The following CAMTA1 variants were observed in gnomAD, a reference collection of about 807,000 sequenced individuals.
CAMTA1 encodes the protein calmodulin-binding transcription activator 1.
Under a neutral mutation model 170.9 loss-of-function variants are expected in CAMTA1, and 27 were observed. That is an observed-to-expected ratio of 0.16 (90% confidence interval 0.12 to 0.22). The LOEUF is 0.22. CAMTA1 is among the 10% of genes least tolerant of loss of function. CAMTA1 has a pLI of 1.00. For synonymous variants in CAMTA1, 833 were observed against 891.5 expected (o/e 0.93, Z 1.17); for missense variants, 1,619 against 2,217.2 (o/e 0.73, Z 5.42).
chr1:7,658,077 C>T (rs995328374), intron 7 of CAMTA1, among the ~76,000 whole-genome samples: 19 of 152,174 alleles, frequency 1.2e-4, no homozygotes, highest in Non-Finnish European at 2.1e-4. Context: ...GTGCCAAGAC[C>T]CAAGACCCTC....
intron 6 of CAMTA1, among the ~76,000 whole-genome samples, chr1:7,502,313 G>A (rs1392365091): frequency 2.6e-5 from 4 of 152,204 alleles, no homozygotes; most frequent in Non-Finnish European, 5.9e-5. Flanking sequence ...GCTCTAGGAA[G>A]GAACATTTGC....
At chr1:7,255,365 A>G (rs1375364255) in intron 5 of CAMTA1, among the ~76,000 whole-genome samples, 3 of 152,208 alleles carry the variant, frequency 2.0e-5, no homozygotes, top group African/African-American at 7.2e-5. Flanking sequence ...CTGTGGACAG[A>G]TTATTTTACT....
At chr1:7,629,879 G>A (rs2095657235) in intron 6 of CAMTA1, among the ~76,000 whole-genome samples, 1 of 142,928 alleles carries the variant, frequency 7.0e-6, no homozygotes, top group Admixed American at 7.0e-5. Context: ...CGGGGGGCCT[G>A]GCAGTGGCAG....
chr1:7,108,488 G>T (rs776866552), intron 4 of CAMTA1, among the ~76,000 whole-genome samples: 2 of 152,150 alleles, frequency 1.3e-5, no homozygotes, highest in Non-Finnish European at 2.9e-5. Context: ...TTGTGGTTGT[G>T]CAGAAGGACG....
At chr1:7,750,095 G>A (rs529591377) in intron 19 of CAMTA1, among the ~76,000 whole-genome samples, 2 of 152,286 alleles carry the variant, frequency 1.3e-5, no homozygotes, top group Admixed American at 1.3e-4. Flanking sequence ...ACTGTGGCCC[G>A]ATGGGTCTGA....
intron 3 of CAMTA1, among the ~76,000 whole-genome samples, chr1:7,077,800 G>T (rs1358209373): frequency 6.6e-6 from 1 of 152,076 alleles, no homozygotes; most frequent in Non-Finnish European, 1.5e-5. Flanking sequence ...GAGGCAAAAT[G>T]CCCACTTCTG....
intron 4 of CAMTA1, among the ~76,000 whole-genome samples, chr1:7,227,978 C>G (rs1302662279): frequency 6.6e-6 from 1 of 152,244 alleles, no homozygotes; most frequent in African/African-American, 2.4e-5. Flanking sequence ...TGTCGCCAGG[C>G]TTTGCACTCA....
intron 6 of CAMTA1, among the ~76,000 whole-genome samples, chr1:7,581,334 T>G (rs2095258859): frequency 6.6e-6 from 1 of 152,218 alleles, no homozygotes; most frequent in Non-Finnish European, 1.5e-5. Context: ...GTCCGTTCTC[T>G]CACATGGAGA....
chr1:7,583,360 C>T (rs1334848522), intron 6 of CAMTA1, among the ~76,000 whole-genome samples: 3 of 152,116 alleles, frequency 2.0e-5, no homozygotes, highest in Admixed American at 6.5e-5. Flanking sequence ...CTGAGGATGC[C>T]GGACACACTG....
chr1:7,054,303 G>A (rs1203233030), intron 3 of CAMTA1, among the ~76,000 whole-genome samples: 1 of 152,226 alleles, frequency 6.6e-6, no homozygotes, highest in Non-Finnish European at 1.5e-5. Flanking sequence ...AGGCCAGGCC[G>A]CCTCTGCATG....
chr1:7,589,989 C>T (rs1021502507), intron 6 of CAMTA1, among the ~76,000 whole-genome samples: 3 of 152,194 alleles, frequency 2.0e-5, no homozygotes, highest in African/African-American at 7.2e-5. Context: ...GATTTTAAAG[C>T]CCTTTGCACA....
In CAMTA1 at chr1:7,283,019, C is replaced by T. The variant is rs534663584; in HGVS notation, c.438+33393C>T. On this transcript the variant is annotated intron_variant, in intron 5 of 22. Coordinates refer to ENST00000303635, the MANE Select transcript of CAMTA1 (RefSeq NM_015215.4). ...TGATAATAGTGGGAATTTGGAACAACCTAACTCTTCAATGATAAGGAACAA... is the reference window on the plus strand; with the variant it reads ...TGATAATAGTGGGAATTTGGAACAATCTAACTCTTCAATGATAAGGAACAA... Among the ~76,000 whole-genome samples the T allele has an allele frequency of 2.4e-4, 37 of 152,200 alleles. No individual in the cohort carries two copies. The South Asian group carries it at 7.1e-3, about 29-fold the overall frequency.
chr1:6,916,244 A>C (rs1289444455), intron 3 of CAMTA1, among the ~76,000 whole-genome samples: 2 of 152,102 alleles, frequency 1.3e-5, no homozygotes, highest in African/African-American at 4.8e-5. Flanking sequence ...ACCACCTGTC[A>C]GCGCAGAGCC....
chr1:6,852,004 T>C (rs1225211211), intron 3 of CAMTA1, among the ~76,000 whole-genome samples: 1 of 138,690 alleles, frequency 7.2e-6, no homozygotes, highest in Admixed American at 7.2e-5. Context: ...AGAGTGAGAC[T>C]CTATCTCCAA....
At chr1:7,623,148 C>G (rs1167541436) in intron 6 of CAMTA1, among the ~76,000 whole-genome samples, 1 of 152,182 alleles carries the variant, frequency 6.6e-6, no homozygotes, top group Non-Finnish European at 1.5e-5. Context: ...ATTCTTTATT[C>G]CAATGTTTAT....
chr1:7,334,511 C>G (rs1055030356), intron 5 of CAMTA1, among the ~76,000 whole-genome samples: 1 of 152,214 alleles, frequency 6.6e-6, no homozygotes, highest in Non-Finnish European at 1.5e-5. Context: ...AAGGGCTCCC[C>G]TATCACAGTT....
chr1:7,135,859 T>C (rs529825533), intron 4 of CAMTA1, among the ~76,000 whole-genome samples: 1 of 152,322 alleles, frequency 6.6e-6, no homozygotes, highest in Non-Finnish European at 1.5e-5. Flanking sequence ...AGTAACACTC[T>C]GTGCTGTTAC....
At chr1:6,929,615 G>A (rs899586047) in intron 3 of CAMTA1, among the ~76,000 whole-genome samples, 4 of 152,268 alleles carry the variant, frequency 2.6e-5, no homozygotes, top group South Asian at 4.1e-4. Context: ...CGCCCGCCTC[G>A]GCTTCCCAAA....
intron 5 of CAMTA1, among the ~76,000 whole-genome samples, chr1:7,451,091 A>G (rs915880129): frequency 6.6e-6 from 1 of 152,082 alleles, no homozygotes; most frequent in Non-Finnish European, 1.5e-5. Flanking sequence ...GAGGCCCCAG[A>G]CCCTGCTGAG....
Sources: gnomAD v4.1 joint callset for allele counts (sites outside exome capture counted in the v4.1 genomes callset) on GRCh38, gnomAD v4.1.1 for gene constraint, MANE v1.5 for transcripts, NCBI Gene and HGNC (gene_info 2026-07-23, HGNC 2026-07-21) for gene names.